The following STK4 variants were observed in gnomAD, a reference collection of about 807,000 sequenced individuals.
The protein encoded by STK4 is serine/threonine-protein kinase 4.
Under a neutral mutation model 64.9 loss-of-function variants are expected in STK4, and 30 were observed. The observed-to-expected ratio is 0.46, with a 90% CI of 0.35 to 0.63. The LOEUF (loss-of-function observed/expected upper bound fraction) is 0.63. Among genes scored for constraint, STK4 ranks in the 20% least tolerant of loss-of-function variants. STK4 has a pLI of 0.01. For synonymous variants in STK4, 177 were observed against 199.0 expected (o/e 0.89, Z 0.93); for missense variants, 466 against 598.5 (o/e 0.78, Z 2.31).
Position 45,071,561 on chromosome 20 carries a change from G to T in STK4, c.1306-3457G>T, listed in dbSNP as rs183145781. Among the ~76,000 whole-genome samples the T allele has an allele frequency of 1.6e-3, 241 of 152,250 alleles. 1 individual carries two copies. Among genetic ancestry groups the T allele is most frequent in the Non-Finnish European group, 2.2e-3 (147 of 68,024 alleles). ...CTGAAGGTGGCTGAGATAAGGCAAG[G>T]GTGCTTGTTGCCTCCAGATTAGAAT... On this transcript the variant is annotated intron_variant, in intron 10 of 10. Transcript: ENST00000372806.
At chr20:44,987,617 G>A (rs1447373709) in intron 5 of STK4, among the ~76,000 whole-genome samples, 1 of 152,124 alleles carries the variant, frequency 6.6e-6, no homozygotes, top group South Asian at 2.1e-4. Flanking sequence ...AGTCCAAACT[G>A]CTTTCCTTGA....
At chr20:45,010,197 A>G (rs2041042083) in intron 9 of STK4, among the ~76,000 whole-genome samples, 1 of 151,534 alleles carries the variant, frequency 6.6e-6, no homozygotes, top group Admixed American at 6.6e-5. Flanking sequence ...GCCTCCTGAG[A>G]TTGGGATTAC....
intron 10 of STK4, among the ~76,000 whole-genome samples, chr20:45,030,850 T>G (rs192687818): frequency 3.0e-4 from 45 of 152,302 alleles, no homozygotes; most frequent in Non-Finnish European, 4.9e-4. Context: ...GCTGTAAACT[T>G]AAATCCAATT....
intron 10 of STK4, among the ~76,000 whole-genome samples, chr20:45,039,217 TCA>T (rs963932925): frequency 6.6e-6 from 1 of 152,166 alleles, no homozygotes; most frequent in African/African-American, 2.4e-5. Flanking sequence ...GAACTTTTAC[TCA>T]CACATGATTT....
In STK4 at chr20:45,022,657, T is replaced by A. The variant is rs950388492; in HGVS notation, c.1148-2316T>A. ...ATCCTTGGTTTAAAGATTCAATTTC[T>A]TAAGTCCACCTGTATTGCAACTGAA... On this transcript the variant is annotated intron_variant, in intron 9 of 10. Coordinates refer to ENST00000372806, the MANE Select transcript of STK4 (RefSeq NM_006282.5). 1.1e-4 allele frequency among the ~76,000 whole-genome samples: 16 copies of A among 152,238 alleles called. 1 individual carries two copies. The highest frequency in any genetic ancestry group is 1.0e-3 in the Admixed American group (16 of 15,286).
At chr20:44,987,348 C>G in intron 5 of STK4, 52 bp downstream of exon 5, 1 of 1,519,344 alleles carries the variant, frequency 6.6e-7, no homozygotes, top group Non-Finnish European at 8.9e-7. Context: ...TCCTGAGAAG[C>G]AGTTCCTTTT....
At chr20:45,008,890 G>A (rs1042337588) in intron 9 of STK4, among the ~76,000 whole-genome samples, 2 of 151,724 alleles carry the variant, frequency 1.3e-5, no homozygotes, top group East Asian at 3.9e-4. Context: ...ATTGTTTTTT[G>A]CTTGTTGATT....
At chr20:44,972,593 T>G (rs1433072037) in intron 2 of STK4, 1 of 153,308 alleles carries the variant, frequency 6.5e-6, no homozygotes. Flanking sequence ...ACTTAGGAGA[T>G]CCACAATCCT....
intron 10 of STK4, among the ~76,000 whole-genome samples, chr20:45,058,594 T>C (rs1437451431): frequency 6.6e-6 from 1 of 152,190 alleles, no homozygotes; most frequent in African/African-American, 2.4e-5. Flanking sequence ...TGGGGATTCT[T>C]TGGGCTTTTT....
intron 9 of STK4, among the ~76,000 whole-genome samples, chr20:45,015,227 G>A (rs1260811126): frequency 3.3e-5 from 5 of 152,216 alleles, no homozygotes; most frequent in East Asian, 1.9e-4. Flanking sequence ...CTTCAACACC[G>A]TCCATCAGAT....
intron 1 of STK4, among the ~76,000 whole-genome samples, chr20:44,968,520 A>G (rs560131508): frequency 2.6e-5 from 4 of 152,314 alleles, no homozygotes; most frequent in South Asian, 4.1e-4. Context: ...GATATTTACT[A>G]TAGTACCATA....
intron 10 of STK4, among the ~76,000 whole-genome samples, chr20:45,046,829 C>G (rs528973674): frequency 6.6e-6 from 1 of 152,086 alleles, no homozygotes; most frequent in Admixed American, 6.5e-5. Context: ...TTACAGGCAC[C>G]TGCCACCACA....
At chr20:45,010,973 G>A (rs539260560) in intron 9 of STK4, among the ~76,000 whole-genome samples, 1 of 152,278 alleles carries the variant, frequency 6.6e-6, no homozygotes, top group South Asian at 2.1e-4. Context: ...GGAGAGAAGG[G>A]ATTAAGGTGG....
intron 10 of STK4, among the ~76,000 whole-genome samples, chr20:45,052,277 AC>A (rs34663522): frequency 0.5 from 74,829 of 151,022 alleles, 19,167 homozygotes; most frequent in African/African-American, 0.59. Flanking sequence ...CAACTCTTCC[AC>A]CCCCCCCAGC....
chr20:45,031,011 A>G (rs1568737744), intron 10 of STK4, among the ~76,000 whole-genome samples: 1 of 152,118 alleles, frequency 6.6e-6, no homozygotes, highest in Non-Finnish European at 1.5e-5. Context: ...AGCCTGGCAC[A>G]TAGTGAGACC....
chr20:45,073,246 G>C (rs1239967823), intron 10 of STK4, among the ~76,000 whole-genome samples: 2 of 152,094 alleles, frequency 1.3e-5, no homozygotes, highest in South Asian at 2.1e-4. Context: ...AAAACCACAG[G>C]CTGGAAAGAT....
rs577433264 is a variant in STK4, at chr20:44,988,814, C to T, written c.525+1518C>T. 2.6e-5 allele frequency among the ~76,000 whole-genome samples: 4 copies of T among 152,040 alleles called. No individual in the cohort carries two copies. The East Asian group carries it at 7.7e-4, about 29-fold the overall frequency. The stretch of plus-strand genomic sequence containing the variant: ...TCCCCATTCTCTTCCCAGCCCTTGA[C>T]AACCACTAATCTACTTTCTGTCACT... On this transcript the variant is annotated intron_variant, in intron 5 of 10. Transcript: ENST00000372806.
At chr20:44,987,078 T>C (rs2067541858) in intron 4 of STK4, 54 bp from the exon 5 acceptor site, 1 of 1,450,228 alleles carries the variant, frequency 6.9e-7, no homozygotes, top group African/African-American at 1.4e-5. Context: ...TTTCTCCTTT[T>C]TCTAATGCGC....
intron 10 of STK4, among the ~76,000 whole-genome samples, chr20:45,059,181 A>G (rs1171410758): frequency 6.6e-6 from 1 of 152,220 alleles, no homozygotes; most frequent in African/African-American, 2.4e-5. Context: ...ACTGTGGTTG[A>G]AACTTTTGCT....
Sources: allele counts gnomAD v4.1 joint callset (sites outside exome capture counted in the v4.1 genomes callset), GRCh38; gene constraint gnomAD v4.1.1; transcripts MANE v1.5; gene names NCBI Gene and HGNC (gene_info 2026-07-23, HGNC 2026-07-21).